KIAA0319L: variants seen among roughly 807,000 people sequenced by gnomAD.
KIAA0319L encodes dyslexia-associated protein KIAA0319-like protein.
A neutral mutation model predicts 120.1 loss-of-function variants in KIAA0319L; 55 were observed. The ratio of observed to expected loss-of-function variants is 0.46; its 90% confidence interval spans 0.37 to 0.57. KIAA0319L has a LOEUF of 0.57. Ranked by LOEUF, KIAA0319L falls within the 20% of genes least tolerant of loss-of-function variation. KIAA0319L has a pLI of 0.00. For synonymous variants in KIAA0319L, 398 were observed against 471.9 expected (o/e 0.84, Z 2.03); for missense variants, 1,049 against 1,255.3 (o/e 0.84, Z 2.48).
At chr1:35,490,894 T>C (rs1558462419) in intron 3 of KIAA0319L, among the ~76,000 whole-genome samples, 1 of 152,192 alleles carries the variant, frequency 6.6e-6, no homozygotes, top group South Asian at 2.1e-4. Context: ...TGTGTGGCAC[T>C]TCCCACTTGA....
At chr1:35,514,361 G>T (rs1447807551) in intron 2 of KIAA0319L, among the ~76,000 whole-genome samples, 1 of 139,482 alleles carries the variant, frequency 7.2e-6, no homozygotes, top group Non-Finnish European at 1.5e-5. Context: ...CGATGCTAGG[G>T]ATTAAAAAAA....
intron 1 of KIAA0319L, chr1:35,554,767 T>A: frequency 3.9e-6 from 1 of 255,496 alleles, no homozygotes; most frequent in Non-Finnish European, 7.4e-6. Flanking sequence ...CTTTTTTTTT[T>A]TTTAATCTAA....
intron 5 of KIAA0319L, among the ~76,000 whole-genome samples, chr1:35,472,427 G>T (rs1643680185): frequency 6.6e-6 from 1 of 152,130 alleles, no homozygotes; most frequent in Non-Finnish European, 1.5e-5. Context: ...AAGTGGCTAG[G>T]ATTACAGGCA....
At chr1:35,536,991 G>GT (rs1433071590) in intron 2 of KIAA0319L, among the ~76,000 whole-genome samples, 1 of 152,096 alleles carries the variant, frequency 6.6e-6, no homozygotes, top group Non-Finnish European at 1.5e-5. Context: ...GGAGAATGCT[G>GT]TCAGCAAGGA....
chr1:35,441,246 G>T, intron 19 of KIAA0319L, 108 bp from the exon 20 acceptor site: 2 of 877,372 alleles, frequency 2.3e-6, no homozygotes, highest in Middle Eastern at 2.3e-4. Context: ...CACCTACTGA[G>T]AGGGGTGTCC....
chr1:35,467,914 C>T (rs1643375357), intron 6 of KIAA0319L, among the ~76,000 whole-genome samples: 1 of 152,150 alleles, frequency 6.6e-6, no homozygotes, highest in Non-Finnish European at 1.5e-5. Flanking sequence ...GTCTTGAACT[C>T]CTGACCTCAG....
At chr1:35,507,416 G>GAAAACAAAAACA (rs200725762) in intron 2 of KIAA0319L, among the ~76,000 whole-genome samples, 1 of 151,830 alleles carries the variant, frequency 6.6e-6, no homozygotes, top group African/African-American at 2.4e-5. Flanking sequence ...TCATAAACAG[G>GAAAACAAAAACA]AAAACAAAAA....
intron 2 of KIAA0319L, among the ~76,000 whole-genome samples, chr1:35,532,551 C>A (rs1239771937): frequency 6.6e-6 from 1 of 152,048 alleles, no homozygotes; most frequent in Non-Finnish European, 1.5e-5. Flanking sequence ...AGTGTTGATA[C>A]TCTTGGGACA....
intron 2 of KIAA0319L, among the ~76,000 whole-genome samples, chr1:35,529,215 C>T (rs895361038): frequency 6.6e-6 from 1 of 152,180 alleles, no homozygotes; most frequent in Non-Finnish European, 1.5e-5. Context: ...AGTCCATATC[C>T]TTTAAGTGGA....
At chr1:35,447,582 T>C (rs960781805) in intron 16 of KIAA0319L, among the ~76,000 whole-genome samples, 6 of 151,234 alleles carry the variant, frequency 4.0e-5, no homozygotes, top group Non-Finnish European at 8.9e-5. Flanking sequence ...TTCTTTTTTT[T>C]TTTTTTCTTG....
At chr1:35,534,071 G>T (rs1306181041) in intron 2 of KIAA0319L, among the ~76,000 whole-genome samples, 31 of 152,186 alleles carry the variant, frequency 2.0e-4, no homozygotes, top group Non-Finnish European at 8.8e-5. Context: ...TTCAAAAGGG[G>T]TAACATTTTT....
At chr1:35,512,000 T>C (rs1645465755) in intron 2 of KIAA0319L, among the ~76,000 whole-genome samples, 1 of 152,246 alleles carries the variant, frequency 6.6e-6, no homozygotes, top group African/African-American at 2.4e-5. Flanking sequence ...CCAGGCGTGG[T>C]GGCTCATGCC....
intron 2 of KIAA0319L, among the ~76,000 whole-genome samples, chr1:35,516,639 C>G (rs572723852): frequency 6.6e-6 from 1 of 152,128 alleles, no homozygotes; most frequent in Non-Finnish European, 1.5e-5. Flanking sequence ...CTTCGAAAAC[C>G]AGCACAAGAC....
chr1:35,482,751 T>C (rs917458848), intron 3 of KIAA0319L, among the ~76,000 whole-genome samples: 1 of 152,188 alleles, frequency 6.6e-6, no homozygotes, highest in Non-Finnish European at 1.5e-5. Context: ...TGTATGGACA[T>C]GTCCTTTTAT....
chr1:35,477,094 A>C (rs773450551), intron 4 of KIAA0319L, among the ~76,000 whole-genome samples: 1 of 152,226 alleles, frequency 6.6e-6, no homozygotes, highest in Non-Finnish European at 1.5e-5. Context: ...GGATAACATC[A>C]AATTAAAAAG....
At chr1:35,517,647 G>C (rs1232607220) in intron 2 of KIAA0319L, among the ~76,000 whole-genome samples, 1 of 152,060 alleles carries the variant, frequency 6.6e-6, no homozygotes, top group African/African-American at 2.4e-5. Context: ...ACCATCCTAG[G>C]AACATAGAAA....
chr1:35,502,019 C>A (rs764583843), intron 3 of KIAA0319L, among the ~76,000 whole-genome samples: 3 of 152,036 alleles, frequency 2.0e-5, no homozygotes, highest in Non-Finnish European at 2.9e-5. Context: ...TGACTCATGC[C>A]TGTAGTCCCA....
chr1:35,456,552 C>G (rs768806311), intron 9 of KIAA0319L, among the ~76,000 whole-genome samples: 12 of 151,708 alleles, frequency 7.9e-5, no homozygotes, highest in African/African-American at 2.0e-4. Context: ...TGGCACACAC[C>G]TGTAATCCCA....
intron 12 of KIAA0319L, among the ~76,000 whole-genome samples, chr1:35,452,545 TC>T (rs1642140267): frequency 1.3e-5 from 2 of 152,344 alleles, no homozygotes; most frequent in South Asian, 4.1e-4. Context: ...CAGCCTCTGA[TC>T]CTGGTAGCTC....
Sources: gnomAD v4.1 joint callset for allele counts (sites outside exome capture counted in the v4.1 genomes callset) on GRCh38, gnomAD v4.1.1 for gene constraint, MANE v1.5 for transcripts, NCBI Gene and HGNC (gene_info 2026-07-23, HGNC 2026-07-21) for gene names.